CCDC141: variants seen among roughly 807,000 people sequenced by gnomAD.
CCDC141 encodes coiled-coil domain containing 141.
Under a neutral mutation model 181.0 loss-of-function variants are expected in CCDC141, and 168 were observed. That is an observed-to-expected ratio of 0.93 (90% CI 0.82 to 1.05). The LOEUF is 1.05. Among genes scored for constraint, CCDC141 ranks in the 50% least tolerant of loss-of-function variants. The pLI, the probability that CCDC141 is intolerant of heterozygous loss-of-function variation, is 0.00. For missense variants in CCDC141, 1,902 were observed against 1,788.5 expected (o/e 1.06, Z -1.14); for synonymous variants, 666 against 642.3 (o/e 1.04, Z -0.56).
At chr2:178,923,297 G>A (rs1285035904) in intron 6 of CCDC141, among the ~76,000 whole-genome samples, 1 of 151,448 alleles carries the variant, frequency 6.6e-6, no homozygotes, top group African/African-American at 2.4e-5. Flanking sequence ...GTAGAGACGG[G>A]GTTTCACCAT....
At position 178,850,080 on chromosome 2, in the gene CCDC141, T is replaced by C. The variant is rs1195816031; in HGVS notation, c.3326A>G (p.Glu1109Gly). ...EVLESVTELC[E>G]SLTELEEKLK... ...TTTTTCTTCGAGCTCTGTGAGGGACTCACATAATTCAGTCACAGATTCAAG... is the reference window on the plus strand; with the variant it reads ...TTTTTCTTCGAGCTCTGTGAGGGACCCACATAATTCAGTCACAGATTCAAG... Residue 1109 changes from glutamate to glycine, a missense_variant, in exon 21 of 24, where the codon GAG (glutamate) becomes GGG (glycine). By Grantham distance (98) the Glu-to-Gly change is moderately conservative (BLOSUM62 -2). Transcript: ENST00000443758. The C allele has an allele frequency of 1.9e-6, 3 of 1,606,258 alleles. No homozygotes were observed. The highest frequency in any genetic ancestry group is 1.3e-5 in the African/African-American group (1 of 74,734).
At chr2:179,008,439 T>A (rs2042173131) in intron 2 of CCDC141, among the ~76,000 whole-genome samples, 1 of 152,160 alleles carries the variant, frequency 6.6e-6, no homozygotes, top group African/African-American at 2.4e-5. Flanking sequence ...GAGCCCTTTG[T>A]AAGACCTCTG....
intron 2 of CCDC141, among the ~76,000 whole-genome samples, chr2:178,989,109 C>A (rs1046871989): frequency 6.6e-6 from 1 of 151,984 alleles, no homozygotes; most frequent in Non-Finnish European, 1.5e-5. Context: ...TTTTTAGATA[C>A]GACACCAGTA....
At position 179,026,213 on chromosome 2, in the gene CCDC141, T is replaced by C. The variant is rs537892875; in HGVS notation, c.225+21071A>G. The stretch of plus-strand genomic sequence containing the variant: ...CTCCAAGGCATATCAGAGGTCTTCA[T>C]TGCAGCCCCTTCCATCACAAGCCCA... On this transcript the variant is annotated intron_variant, in intron 2 of 23. Coordinates refer to ENST00000443758, the MANE Select transcript of CCDC141 (RefSeq NM_173648.4). Among the ~76,000 whole-genome samples, 333 of 152,312 alleles carry C rather than the reference T, an allele frequency of 2.2e-3. 2 individuals carry two copies. Among genetic ancestry groups the C allele is most frequent in the African/African-American group, 7.7e-3 (321 of 41,576 alleles).
At chr2:178,961,937 A>C (rs192214580) in intron 4 of CCDC141, among the ~76,000 whole-genome samples, 147 of 152,332 alleles carry the variant, frequency 9.6e-4, no homozygotes, top group Non-Finnish European at 2.8e-4. Flanking sequence ...GACAAAGTGG[A>C]AAATGCTTGC....
At chr2:178,941,994 A>C (rs1689541668) in intron 6 of CCDC141, among the ~76,000 whole-genome samples, 2 of 126,504 alleles carry the variant, frequency 1.6e-5, no homozygotes, top group Admixed American at 8.2e-5. Flanking sequence ...AAAAAAAAAA[A>C]AAAAAAAGGG....
chr2:178,905,422 A>G lies in CCDC141; in HGVS notation c.1172T>C (p.Val391Ala). Residue 391 changes from valine (V) to alanine (A), a missense_variant, in exon 8 of 24, where the codon GTG (valine) becomes GCG (alanine). Transcript: ENST00000443758. The part of the protein sequence containing the change: ...SEGLSLAVLA[V>A]RHEELHRKIK... ...TTTTCTGTGTAATTCCTCATGCCTC[A>G]CTGCCAAAACAGCCAGACTTAAACC... is the stretch of plus-strand genomic sequence containing the variant. 1 of 1,550,994 alleles carries G rather than the reference A, an allele frequency of 6.4e-7. No homozygotes were observed.
At chr2:178,965,772 T>C (rs142529079) in intron 4 of CCDC141, among the ~76,000 whole-genome samples, 50 of 152,176 alleles carry the variant, frequency 3.3e-4, no homozygotes, top group African/African-American at 1.1e-3. Flanking sequence ...GACAAAACTC[T>C]TCACTCCCCT....
chr2:178,905,269 G>A, intron 8 of CCDC141, 60 bp downstream of exon 8: 1 of 1,392,188 alleles, frequency 7.2e-7, no homozygotes, highest in Non-Finnish European at 9.6e-7. Flanking sequence ...CTTATTTTTA[G>A]CACGTTGTGG....
intron 2 of CCDC141, among the ~76,000 whole-genome samples, chr2:179,044,958 T>C (rs1479839484): frequency 9.2e-6 from 1 of 108,504 alleles, no homozygotes; most frequent in Non-Finnish European, 2.0e-5. Flanking sequence ...TTCCACATCA[T>C]AATGGGGTTT....
chr2:178,903,238 C>T (rs1223060556), intron 8 of CCDC141, among the ~76,000 whole-genome samples: 1 of 149,892 alleles, frequency 6.7e-6, no homozygotes, highest in East Asian at 2.0e-4. Flanking sequence ...ACCATTTGAC[C>T]CAGCCATCCC....
At chr2:179,034,566 T>A (rs1273341988) in intron 2 of CCDC141, among the ~76,000 whole-genome samples, 1 of 152,190 alleles carries the variant, frequency 6.6e-6, no homozygotes, top group Non-Finnish European at 1.5e-5. Context: ...TCTCTATGAG[T>A]GCTTTCATTT....
chr2:178,847,795 C>T (rs1685003478), intron 21 of CCDC141, among the ~76,000 whole-genome samples: 1 of 152,070 alleles, frequency 6.6e-6, no homozygotes, highest in South Asian at 2.1e-4. Context: ...GGAGATGATG[C>T]CTTTGGGAAG....
At chr2:178,993,760 A>G (rs1692161222) in intron 2 of CCDC141, among the ~76,000 whole-genome samples, 1 of 152,206 alleles carries the variant, frequency 6.6e-6, no homozygotes, top group Non-Finnish European at 1.5e-5. Context: ...AATCAAAAGC[A>G]GTTAATTACT....
chr2:178,890,787 G>C (rs1687110637), intron 8 of CCDC141, among the ~76,000 whole-genome samples: 2 of 152,110 alleles, frequency 1.3e-5, no homozygotes, highest in Admixed American at 1.3e-4. Context: ...TCACTCAATT[G>C]TACAGTGTCA....
At chr2:178,879,971 T>G (rs1686522965) in intron 11 of CCDC141, among the ~76,000 whole-genome samples, 1 of 145,790 alleles carries the variant, frequency 6.9e-6, no homozygotes, top group Non-Finnish European at 1.5e-5. Context: ...GGCCAGCAGG[T>G]TTCAACCTGT....
At chr2:178,863,339 CTG>C (rs1471256317) in intron 17 of CCDC141, among the ~76,000 whole-genome samples, 6 of 152,190 alleles carry the variant, frequency 3.9e-5, no homozygotes, top group Admixed American at 3.9e-4. Context: ...GAAAGTGAAA[CTG>C]TGTTTAAAAA....
At chr2:178,855,283 A>C in intron 19 of CCDC141, 64 bp downstream of exon 19, 1 of 1,377,348 alleles carries the variant, frequency 7.3e-7, no homozygotes, top group Non-Finnish European at 1.0e-6. Context: ...ACATTGCTTT[A>C]AAGTTGCAAA....
rs531583870 is a variant in CCDC141, at chr2:178,845,688, T to C, written c.3412A>G (p.Ile1138Val). 19 of 1,612,778 alleles carry C rather than the reference T, an allele frequency of 1.2e-5. No homozygotes were observed. The highest frequency in any genetic ancestry group is 3.3e-5 in the South Asian group (3 of 91,044). The change falls in exon 22 of 24, where the codon ATT (isoleucine) becomes GTT (valine). Residue 1138 changes from isoleucine (I) to valine (V), a missense_variant. Coordinates refer to ENST00000443758, the MANE Select transcript of CCDC141 (RefSeq NM_173648.4). The stretch of plus-strand genomic sequence containing the variant: ...TTTGCTGGTTCCTTTAGCAAGTCAA[T>C]GTAATCATAATGGAAGTCTTCCAAA... ...PNLEDFHYDY[I>V]DLLKEPAKNK...
Sources: allele counts gnomAD v4.1 joint callset (sites outside exome capture counted in the v4.1 genomes callset), GRCh38; gene constraint gnomAD v4.1.1; transcripts MANE v1.5; gene names NCBI Gene and HGNC (gene_info 2026-07-23, HGNC 2026-07-21).